ZNF462: variants seen among roughly 807,000 people sequenced by gnomAD.
ZNF462 encodes the protein zinc finger PBX1-interacting protein.
A neutral mutation model predicts 201.9 loss-of-function variants in ZNF462; 10 were observed. The observed-to-expected ratio is 0.05, with a 90% CI of 0.03 to 0.08. ZNF462 has a LOEUF of 0.08. Ranked by LOEUF, ZNF462 falls within the 10% of genes least tolerant of loss-of-function variation. ZNF462 has a pLI of 1.00. For missense variants in ZNF462, 2,523 were observed against 3,168.3 expected (o/e 0.80, Z 4.89); for synonymous variants, 1,227 against 1,193.3 (o/e 1.03, Z -0.58).
intron 7 of ZNF462, among the ~76,000 whole-genome samples, chr9:106,942,649 C>T (rs1293315134): frequency 1.3e-5 from 2 of 152,176 alleles, no homozygotes; most frequent in African/African-American, 4.8e-5. Flanking sequence ...ATATACAACA[C>T]AGGACTAGCT....
At chr9:106,958,797 A>G (rs1831696585) in intron 7 of ZNF462, among the ~76,000 whole-genome samples, 1 of 152,264 alleles carries the variant, frequency 6.6e-6, no homozygotes, top group Admixed American at 6.5e-5. Context: ...AAGTGCTATC[A>G]AGAGAAAGAA....
chr9:106,947,538 T>C (rs1344636919), intron 7 of ZNF462, among the ~76,000 whole-genome samples: 1 of 152,230 alleles, frequency 6.6e-6, no homozygotes, highest in African/African-American at 2.4e-5. Flanking sequence ...CGGTTCTGCA[T>C]GTCTCTTTGT....
intron 1 of ZNF462, among the ~76,000 whole-genome samples, chr9:106,916,692 A>G (rs1829788303): frequency 6.6e-6 from 1 of 152,192 alleles, no homozygotes; most frequent in Non-Finnish European, 1.5e-5. Context: ...ATTATTTCTC[A>G]CTTACTCATT....
At position 106,924,560 on chromosome 9, in the gene ZNF462, C is replaced by G; in HGVS notation, c.648C>G (p.Cys216Trp). 1 of 1,614,192 alleles carries G rather than the reference C, an allele frequency of 6.2e-7. No homozygotes were observed. The highest frequency in any genetic ancestry group is 1.1e-5 in the South Asian group (1 of 91,074). The part of the protein sequence containing the change: ...VVPPVSLQDP[C>W]KELPAEVVER... ...CGCCCGTATCACTGCAGGACCCCTGCAAGGAACTGCCAGCAGAGGTTGTGG... is the reference window on the plus strand; with the variant it reads ...CGCCCGTATCACTGCAGGACCCCTGGAAGGAACTGCCAGCAGAGGTTGTGG... The change falls in exon 3 of 13, where the codon TGC (cysteine) becomes TGG (tryptophan). Residue 216 changes from cysteine to tryptophan, a missense_variant. Cys to Trp is a radical substitution (Grantham distance 215). Coordinates refer to ENST00000277225, the MANE Select transcript of ZNF462 (RefSeq NM_021224.6). This position sits in a 1 kb window ranked among gnomAD's most constrained non-coding sequence, Gnocchi z 6.2.
At position 106,886,054 on chromosome 9, in the gene ZNF462, A is replaced by G. The variant is rs1358202369; in HGVS notation, c.-31+22699A>G. The stretch of plus-strand genomic sequence containing the variant: ...ATGTGTGATGCCTATTTTAAATAAA[A>G]TAACAAACTAGAACAGTTTGTATTT... On this transcript the variant is annotated intron_variant, in intron 1 of 12. Transcript: ENST00000277225. This position sits in a 1 kb window ranked among gnomAD's most constrained non-coding sequence, Gnocchi z 4.6. Among the ~76,000 whole-genome samples, 1 of 152,272 alleles carries G rather than the reference A, an allele frequency of 6.6e-6. No individual in the cohort carries two copies. The highest frequency in any genetic ancestry group is 2.4e-5 in the African/African-American group (1 of 41,476).
Position 107,008,040 on chromosome 9 carries a change from G to A in ZNF462, c.7190-1505G>A, listed in dbSNP as rs1206027582. Among the ~76,000 whole-genome samples the A allele has an allele frequency of 6.6e-6, 1 of 151,990 alleles. No homozygotes were observed. Among genetic ancestry groups the A allele is most frequent in the East Asian group, 1.9e-4 (1 of 5,168 alleles). On this transcript the variant is annotated intron_variant, in intron 11 of 12. Transcript: ENST00000277225. This position sits in a 1 kb window ranked among gnomAD's most constrained non-coding sequence, Gnocchi z 4.8. Reference sequence around the variant, plus strand: ...CAAGTGCCGGACTGAATATGGACACGCTGCAGGTCCTGCCTAGGAAGCTCA... The same window carrying A: ...CAAGTGCCGGACTGAATATGGACACACTGCAGGTCCTGCCTAGGAAGCTCA...
At chr9:107,004,229 G>A (rs1271074606) in intron 11 of ZNF462, among the ~76,000 whole-genome samples, 1 of 152,158 alleles carries the variant, frequency 6.6e-6, no homozygotes, top group African/African-American at 2.4e-5. Flanking sequence ...TCAGAAGCAC[G>A]TGGATAACAT....
At chr9:106,957,809 G>C (rs985462434) in intron 7 of ZNF462, among the ~76,000 whole-genome samples, 15 of 152,242 alleles carry the variant, frequency 9.9e-5, no homozygotes, top group African/African-American at 3.6e-4. Flanking sequence ...TCAGGAAATA[G>C]AGCAAAGGGT....
chr9:106,936,626 T>G (rs977588358), intron 6 of ZNF462, among the ~76,000 whole-genome samples: 1 of 152,206 alleles, frequency 6.6e-6, no homozygotes, highest in Non-Finnish European at 1.5e-5. Context: ...TCTGGGAAAT[T>G]TCTACTAAAG....
Position 106,932,420 on chromosome 9 carries a change from G to A in ZNF462, c.6013-26G>A, listed in dbSNP as rs1830461987. The A allele has an allele frequency of 6.2e-7, 1 of 1,614,110 alleles. No individual in the cohort carries two copies. Among genetic ancestry groups the A allele is most frequent in the Non-Finnish European group, 8.5e-7 (1 of 1,180,044 alleles). On this transcript the variant is annotated intron_variant, in intron 4 of 12. Coordinates refer to ENST00000277225, the MANE Select transcript of ZNF462 (RefSeq NM_021224.6). The surrounding 1 kb of genome is among the most constrained non-coding windows in gnomAD (Gnocchi z 6.8). Reference sequence around the variant, plus strand: ...CCGGGGGGATACCATTGCAGTCAATGTGACAGAGTCCTGATGTCCATGCAG... The same window carrying A: ...CCGGGGGGATACCATTGCAGTCAATATGACAGAGTCCTGATGTCCATGCAG...
intron 1 of ZNF462, among the ~76,000 whole-genome samples, chr9:106,878,055 G>A (rs543793991): frequency 2.0e-5 from 3 of 152,306 alleles, no homozygotes; most frequent in South Asian, 2.1e-4. Context: ...TGTTCAGTTC[G>A]TGACATGTAG....
At position 106,890,635 on chromosome 9, in the gene ZNF462, C is replaced by T. The variant is rs1208789783; in HGVS notation, c.-31+27280C>T. ...ACCTTCGTAATATGGGTAAATGTCT[C>T]AGGTTAGCCAAATGTACCTAGGGTC... On this transcript the variant is annotated intron_variant, in intron 1 of 12. Coordinates refer to ENST00000277225, the MANE Select transcript of ZNF462 (RefSeq NM_021224.6). This position sits in a 1 kb window ranked among gnomAD's most constrained non-coding sequence, Gnocchi z 4.2. 6.6e-6 allele frequency among the ~76,000 whole-genome samples: 1 copy of T among 152,178 alleles called. No individual in the cohort carries two copies. Among genetic ancestry groups the T allele is most frequent in the African/African-American group, 2.4e-5 (1 of 41,454 alleles).
intron 10 of ZNF462, among the ~76,000 whole-genome samples, chr9:106,985,399 GA>G (rs993264019): frequency 2.0e-5 from 3 of 151,904 alleles, no homozygotes; most frequent in African/African-American, 7.2e-5. Flanking sequence ...GAGGATTTGT[GA>G]AAAAAAATTC....
At chr9:106,863,047 G>T, upstream of ZNF462, 1 of 396,170 alleles carries the variant, frequency 2.5e-6, no homozygotes, top group South Asian at 1.3e-4. Flanking sequence ...GCGAGGGAGA[G>T]GGAGGAGAGG....
intron 10 of ZNF462, among the ~76,000 whole-genome samples, chr9:106,991,474 G>A (rs1180321185): frequency 1.3e-5 from 2 of 151,868 alleles, no homozygotes; most frequent in Non-Finnish European, 2.9e-5. Flanking sequence ...TCATAATCAT[G>A]TACAGATTCA....
chr9:106,943,157 C>G (rs1254697812), intron 7 of ZNF462, among the ~76,000 whole-genome samples: 1 of 151,068 alleles, frequency 6.6e-6, no homozygotes, highest in Non-Finnish European at 1.5e-5. Flanking sequence ...GATACCCCTC[C>G]ATTTATAATA....
rs112123201 is a variant in ZNF462, at chr9:106,913,461, G to A, written c.-30-9893G>A. Among the ~76,000 whole-genome samples the A allele has an allele frequency of 4.8e-3, 731 of 152,212 alleles. 7 individuals are homozygous for A. Among genetic ancestry groups the A allele is most frequent in the African/African-American group, 0.016 (677 of 41,536 alleles). On this transcript the variant is annotated intron_variant, in intron 1 of 12. Transcript: ENST00000277225. This position sits in a 1 kb window ranked among gnomAD's most constrained non-coding sequence, Gnocchi z 4.1. The stretch of plus-strand genomic sequence containing the variant: ...TGGGGATATAAGAATAAAAAAGAAC[G>A]TATTACTTGTCCTCTGAAGAGTGAC...
chr9:106,906,891 T>A (rs1278017509), intron 1 of ZNF462, among the ~76,000 whole-genome samples: 1 of 152,228 alleles, frequency 6.6e-6, no homozygotes, highest in African/African-American at 2.4e-5. Flanking sequence ...TCTTACTTTG[T>A]TTTCTTGTAC....
chr9:106,901,344 G>A (rs1829056990), intron 1 of ZNF462, among the ~76,000 whole-genome samples: 1 of 152,084 alleles, frequency 6.6e-6, no homozygotes, highest in Non-Finnish European at 1.5e-5. Flanking sequence ...TTGAAATCAG[G>A]TAGTGTGATG....
Sources: allele counts gnomAD v4.1 joint callset (sites outside exome capture counted in the v4.1 genomes callset), GRCh38; gene constraint gnomAD v4.1.1; non-coding constraint Gnocchi (gnomAD v3.1); transcripts MANE v1.5; gene names NCBI Gene and HGNC (gene_info 2026-07-23, HGNC 2026-07-21).